Variants in BICD1 observed in about 807,000 individuals in gnomAD.
BICD1 encodes protein bicaudal D homolog 1.
In BICD1, 35 loss-of-function variants were observed where a neutral mutation model predicts 92.5. That is an observed-to-expected ratio of 0.38 (90% CI 0.29 to 0.50). BICD1 has a LOEUF of 0.50. Ranked by LOEUF, BICD1 falls within the 20% of genes least tolerant of loss-of-function variation. The pLI, the probability that BICD1 is intolerant of heterozygous loss-of-function variation, is 0.93. For missense variants in BICD1, 950 were observed against 1,189.8 expected (o/e 0.80, Z 2.97); for synonymous variants, 429 against 465.1 (o/e 0.92, Z 1.00).
chr12:32,282,013 C>A (rs1947422675), intron 2 of BICD1, among the ~76,000 whole-genome samples: 1 of 152,090 alleles, frequency 6.6e-6, no homozygotes, highest in Non-Finnish European at 1.5e-5. Context: ...TTTCAGATCA[C>A]TAAAATCAGA....
At chr12:32,235,016 T>G (rs1244102883) in intron 2 of BICD1, among the ~76,000 whole-genome samples, 1 of 152,146 alleles carries the variant, frequency 6.6e-6, no homozygotes, top group East Asian at 1.9e-4. Flanking sequence ...TCACAATATA[T>G]ACTATTCTCC....
intron 7 of BICD1, chr12:32,338,369 A>G: frequency 5.7e-6 from 1 of 176,976 alleles, no homozygotes; most frequent in Non-Finnish European, 1.2e-5. Flanking sequence ...TTTTCTTGAA[A>G]GCAGGTTTTT....
At chr12:32,168,467 A>G (rs1432061612) in intron 1 of BICD1, among the ~76,000 whole-genome samples, 2 of 152,174 alleles carry the variant, frequency 1.3e-5, no homozygotes, top group African/African-American at 2.4e-5. Flanking sequence ...CTTCATGGGA[A>G]AAGGATGGGA....
intron 1 of BICD1, among the ~76,000 whole-genome samples, chr12:32,172,069 T>A (rs1943962520): frequency 6.6e-6 from 1 of 152,094 alleles, no homozygotes; most frequent in Admixed American, 6.6e-5. Flanking sequence ...TCTCTGCCTC[T>A]CCCTCCGTTC....
chr12:32,356,153 C>T lies in BICD1; in HGVS notation c.2765-11517C>T, dbSNP rs1366595735. 2.6e-5 allele frequency among the ~76,000 whole-genome samples: 4 copies of T among 152,158 alleles called. No homozygotes were observed. The South Asian group carries it at 6.2e-4, about 24-fold the overall frequency. ...CAAACATTCTCTCACCTGATCTTCACGTGAACCCTGCAAGATTGGTATTTA... is the reference window on the plus strand; with the variant it reads ...CAAACATTCTCTCACCTGATCTTCATGTGAACCCTGCAAGATTGGTATTTA... On this transcript the variant is annotated intron_variant, in intron 8 of 9. Coordinates refer to ENST00000652176, the MANE Select transcript of BICD1 (RefSeq NM_001714.4).
intron 1 of BICD1, among the ~76,000 whole-genome samples, chr12:32,117,739 T>C (rs79147668): frequency 0.12 from 10,933 of 93,272 alleles, 644 homozygotes; most frequent in Middle Eastern, 0.24. Flanking sequence ...CACACACATA[T>C]ATATATATAT....
intron 2 of BICD1, among the ~76,000 whole-genome samples, chr12:32,262,894 A>G (rs1019623310): frequency 6.6e-6 from 1 of 152,172 alleles, no homozygotes; most frequent in Non-Finnish European, 1.5e-5. Flanking sequence ...CTGTAATCCC[A>G]GCACTTTGAA....
intron 2 of BICD1, among the ~76,000 whole-genome samples, chr12:32,290,446 C>T (rs1016371790): frequency 2.0e-5 from 3 of 152,190 alleles, no homozygotes; most frequent in Admixed American, 6.5e-5. Context: ...ACTTTCTTAG[C>T]TTTCATTCCT....
At position 32,120,893 on chromosome 12, in the gene BICD1, GAGAAAA is replaced by G. The variant is rs1389707162; in HGVS notation, c.213+13351_213+13356del. On this transcript the variant is annotated intron_variant, in intron 1 of 9. Coordinates refer to ENST00000652176, the MANE Select transcript of BICD1 (RefSeq NM_001714.4). ...AGAGAGAGAGAGAGAGAGAGAGAGA[GAGAAAA>G]AAAAAAGGAAAAAATATAATGTGCT... Among the ~76,000 whole-genome samples, 228 of 23,804 alleles carry G rather than the reference GAGAAAA, an allele frequency of 9.6e-3. 2 individuals are homozygous for G. In the Middle Eastern group the frequency reaches 0.1, roughly 10 times the overall value. 15.6% of individuals were successfully genotyped at this position (23,804 alleles called of 152,430 possible).
intron 1 of BICD1, among the ~76,000 whole-genome samples, chr12:32,123,111 A>G (rs1942212735): frequency 6.6e-6 from 1 of 152,162 alleles, no homozygotes; most frequent in Admixed American, 6.6e-5. Flanking sequence ...CCAAAATGCT[A>G]TGGGGGGAAA....
rs1213148860 is a variant in BICD1 at position 32,382,706 on chromosome 12, A to G, written c.*5079A>G. Reference sequence around the variant, plus strand: ...TTTTTTCTTTCAGAATTATTCCTCAATCATTGTTCTCTAATGAAAACACCG... The same window carrying G: ...TTTTTTCTTTCAGAATTATTCCTCAGTCATTGTTCTCTAATGAAAACACCG... On this transcript the variant is annotated 3_prime_UTR_variant, in exon 10 of 10. Coordinates refer to ENST00000652176, the MANE Select transcript of BICD1 (RefSeq NM_001714.4). The G allele has an allele frequency of 6.6e-6, 1 of 151,992 alleles. No homozygotes were observed. The highest frequency in any genetic ancestry group is 1.5e-5 in the Non-Finnish European group (1 of 67,896). The allele number at this position is 151,992 out of a possible 1,614,324, so 9.4% of individuals were successfully genotyped here.
chr12:32,375,105 T>G (rs1409160552), intron 9 of BICD1, among the ~76,000 whole-genome samples: 3 of 150,984 alleles, frequency 2.0e-5, no homozygotes, highest in African/African-American at 7.3e-5. Context: ...TTAATTATTT[T>G]TAGTAGAGAC....
intron 4 of BICD1, among the ~76,000 whole-genome samples, chr12:32,327,021 T>A (rs1176132279): frequency 6.6e-6 from 1 of 152,194 alleles, no homozygotes; most frequent in Non-Finnish European, 1.5e-5. Context: ...GGGGTTGAGC[T>A]CTGGGAAGGA....
chr12:32,220,860 A>T lies in BICD1; in HGVS notation c.426+4401A>T, dbSNP rs574039586. ...GAACCAACCCAAATGTCCAACAATGATAGACTGGATTAAGAAAATGTGGCA... is the reference window on the plus strand; with the variant it reads ...GAACCAACCCAAATGTCCAACAATGTTAGACTGGATTAAGAAAATGTGGCA... On this transcript the variant is annotated intron_variant, in intron 2 of 9. Transcript: ENST00000652176. Among the ~76,000 whole-genome samples the T allele has an allele frequency of 1.2e-3, 161 of 131,298 alleles. 1 individual carries two copies. The Middle Eastern group carries it at 0.032, about 26-fold the overall frequency. 86.1% of individuals were successfully genotyped at this position (131,298 alleles called of 152,430 possible).
At chr12:32,167,958 A>G (rs1215584459) in intron 1 of BICD1, among the ~76,000 whole-genome samples, 2 of 152,034 alleles carry the variant, frequency 1.3e-5, no homozygotes, top group African/African-American at 2.4e-5. Context: ...TCATCTTTGA[A>G]AAAGGAATAA....
At chr12:32,189,781 C>A (rs954566684) in intron 1 of BICD1, among the ~76,000 whole-genome samples, 27 of 151,534 alleles carry the variant, frequency 1.8e-4, no homozygotes, top group Admixed American at 5.9e-4. Flanking sequence ...TCACTGCAAC[C>A]TCTGCCTCCC....
chr12:32,148,265 C>T (rs2121415644), intron 1 of BICD1, among the ~76,000 whole-genome samples: 1 of 152,054 alleles, frequency 6.6e-6, no homozygotes, highest in Middle Eastern at 3.4e-3. Context: ...GAGACAGACA[C>T]ACTAGGTTTT....
chr12:32,206,742 C>T (rs576056489), intron 1 of BICD1, among the ~76,000 whole-genome samples: 1 of 152,290 alleles, frequency 6.6e-6, no homozygotes, highest in South Asian at 2.1e-4. Context: ...TCCAATCATC[C>T]ATTGTCAAGA....
At position 32,338,821 on chromosome 12, in the gene BICD1, C is replaced by T; in HGVS notation, c.2606C>T (p.Pro869Leu). The T allele has an allele frequency of 1.2e-6, 2 of 1,603,394 alleles. No individual in the cohort carries two copies. The highest frequency in any genetic ancestry group is 1.7e-6 in the Non-Finnish European group (2 of 1,175,580). The change falls in exon 8 of 10, where the codon CCC becomes CTC. Residue 869 changes from proline to leucine, a missense_variant. Coordinates refer to ENST00000652176, the MANE Select transcript of BICD1 (RefSeq NM_001714.4). ...CCTTCCCTTTGTGATCAGAGCCGTC[C>T]CAGGACTTCAGGGGCTTCCTACCTA... ...FSPSLCDQSR[P>L]RTSGASYLQN...
Sources: allele counts gnomAD v4.1 joint callset (sites outside exome capture counted in the v4.1 genomes callset), GRCh38; gene constraint gnomAD v4.1.1; transcripts MANE v1.5; gene names NCBI Gene and HGNC (gene_info 2026-07-23, HGNC 2026-07-21).